Variants in SHC3 observed in about 807,000 individuals in gnomAD.
SHC3 encodes the protein SHC adaptor protein 3.
Under a neutral mutation model 60.4 loss-of-function variants are expected in SHC3, and 15 were observed. That is an observed-to-expected ratio of 0.25 (90% CI 0.17 to 0.38). SHC3 has a LOEUF of 0.38. Among genes scored for constraint, SHC3 ranks in the 10% least tolerant of loss-of-function variants. SHC3 has a pLI of 1.00. For synonymous variants in SHC3, 294 were observed against 325.9 expected (o/e 0.90, Z 1.05); for missense variants, 677 against 786.1 (o/e 0.86, Z 1.66).
intron 1 of SHC3, among the ~76,000 whole-genome samples, chr9:89,128,116 T>C (rs952877344): frequency 6.6e-6 from 1 of 152,146 alleles, no homozygotes; most frequent in Non-Finnish European, 1.5e-5. Context: ...AATAAGAGTT[T>C]AAATAAAATA....
At chr9:89,160,313 G>C (rs1826685903) in intron 1 of SHC3, among the ~76,000 whole-genome samples, 1 of 152,138 alleles carries the variant, frequency 6.6e-6, no homozygotes, top group Non-Finnish European at 1.5e-5. Flanking sequence ...GATCTGGATA[G>C]TCCTTCCAGA....
intron 1 of SHC3, among the ~76,000 whole-genome samples, chr9:89,128,188 G>A (rs1826191763): frequency 6.6e-6 from 1 of 152,136 alleles, no homozygotes; most frequent in African/African-American, 2.4e-5. Context: ...TAAGCTTTGA[G>A]AAATAAAGTC....
rs146676998 is a variant in SHC3 at position 89,050,058 on chromosome 9, G to A, written c.962+1979C>T. 1.2e-3 allele frequency among the ~76,000 whole-genome samples: 178 copies of A among 152,228 alleles called. 2 individuals are homozygous for A. In the East Asian group the frequency reaches 0.02, roughly 17 times the overall value. On this transcript the variant is annotated intron_variant, in intron 7 of 11. Transcript: ENST00000375835. ...TTTTAATAAAATTTGTCAAACTTAC[G>A]TTGGATGGATACATAGATATGTGAT...
chr9:89,065,882 G>T (rs1054980191), intron 5 of SHC3, among the ~76,000 whole-genome samples: 1 of 152,126 alleles, frequency 6.6e-6, no homozygotes, highest in Non-Finnish European at 1.5e-5. Context: ...CACCGGAACT[G>T]GTTAGAAGTC....
At chr9:89,031,079 T>C (rs1294570150) in intron 11 of SHC3, among the ~76,000 whole-genome samples, 1 of 152,046 alleles carries the variant, frequency 6.6e-6, no homozygotes, top group Non-Finnish European at 1.5e-5. Context: ...AGAGATGGGG[T>C]CTCACTATAT....
At chr9:89,093,844 C>T (rs1825661402) in intron 2 of SHC3, among the ~76,000 whole-genome samples, 1 of 152,224 alleles carries the variant, frequency 6.6e-6, no homozygotes, top group South Asian at 2.1e-4. Flanking sequence ...TGGCTCATGC[C>T]TGTAATCTCA....
intron 1 of SHC3, among the ~76,000 whole-genome samples, chr9:89,131,020 T>G (rs1435238196): frequency 6.6e-6 from 1 of 151,582 alleles, no homozygotes; most frequent in African/African-American, 2.4e-5. Context: ...GCAAGACTAA[T>G]AAAGAAGAAA....
At chr9:89,102,104 C>A (rs577754893) in intron 2 of SHC3, among the ~76,000 whole-genome samples, 1 of 152,156 alleles carries the variant, frequency 6.6e-6, no homozygotes, top group Middle Eastern at 3.4e-3. Flanking sequence ...AATTCATTAG[C>A]ATCAAGTTTA....
chr9:89,155,576 T>C (rs889608159), intron 1 of SHC3, among the ~76,000 whole-genome samples: 1 of 152,114 alleles, frequency 6.6e-6, no homozygotes, highest in Non-Finnish European at 1.5e-5. Flanking sequence ...CTAGACTTGT[T>C]CTGGAGTGCC....
At chr9:89,041,331 C>T (rs117008030) in intron 10 of SHC3, among the ~76,000 whole-genome samples, 4,070 of 152,338 alleles carry the variant, frequency 0.027, 87 homozygotes, top group Non-Finnish European at 0.045. Context: ...CTATTACTCT[C>T]CTTATCCTGT....
chr9:89,031,369 C>T (rs1824489829), intron 11 of SHC3, among the ~76,000 whole-genome samples: 1 of 152,172 alleles, frequency 6.6e-6, no homozygotes, highest in Non-Finnish European at 1.5e-5. Flanking sequence ...AAATGCCATA[C>T]CTTTCAGCTA....
chr9:89,083,812 G>A (rs1238925745), intron 2 of SHC3, among the ~76,000 whole-genome samples: 3 of 152,142 alleles, frequency 2.0e-5, no homozygotes, highest in African/African-American at 2.4e-5. Flanking sequence ...TTGACTCCAG[G>A]TGGGCCATGT....
At chr9:89,070,091 A>G (rs1378475158) in intron 5 of SHC3, among the ~76,000 whole-genome samples, 4 of 152,220 alleles carry the variant, frequency 2.6e-5, no homozygotes, top group African/African-American at 9.7e-5. Flanking sequence ...AAGAATGCAA[A>G]ATAGCAATAA....
chr9:89,146,289 G>A (rs562040369), intron 1 of SHC3, among the ~76,000 whole-genome samples: 18 of 151,896 alleles, frequency 1.2e-4, no homozygotes, highest in African/African-American at 3.6e-4. Flanking sequence ...CCTGGGAGGC[G>A]GAGGTTGCAG....
chr9:89,102,790 T>C (rs1825801862), intron 2 of SHC3, among the ~76,000 whole-genome samples: 1 of 152,222 alleles, frequency 6.6e-6, no homozygotes, highest in African/African-American at 2.4e-5. Flanking sequence ...AAGTTGCAGT[T>C]TCCAAAAACC....
chr9:89,017,983 A>G (rs185717265), intron 11 of SHC3, among the ~76,000 whole-genome samples: 8 of 152,370 alleles, frequency 5.3e-5, no homozygotes, highest in African/African-American at 1.9e-4. Context: ...TTAAAAAGTC[A>G]GGAAACAACA....
At chr9:89,030,073 T>C (rs1312415363) in intron 11 of SHC3, among the ~76,000 whole-genome samples, 1 of 152,036 alleles carries the variant, frequency 6.6e-6, no homozygotes, top group East Asian at 1.9e-4. Context: ...GGAGTACATA[T>C]ACTAATACCA....
chr9:89,150,077 A>G (rs1348772906), intron 1 of SHC3, among the ~76,000 whole-genome samples: 1 of 152,216 alleles, frequency 6.6e-6, no homozygotes, highest in African/African-American at 2.4e-5. Flanking sequence ...CTGACTTGTC[A>G]TCATAATTGT....
intron 11 of SHC3, among the ~76,000 whole-genome samples, chr9:89,033,700 G>A (rs1167453966): frequency 1.3e-5 from 2 of 152,180 alleles, no homozygotes; most frequent in Non-Finnish European, 2.9e-5. Context: ...ATACAGTCTA[G>A]TAGAAGAAAC....
Sources: allele counts gnomAD v4.1 joint callset (sites outside exome capture counted in the v4.1 genomes callset), GRCh38; gene constraint gnomAD v4.1.1; transcripts MANE v1.5; gene names NCBI Gene and HGNC (gene_info 2026-07-23, HGNC 2026-07-21).